Variants in QSOX1 observed in about 807,000 individuals in gnomAD.
QSOX1 encodes quiescin sulfhydryl oxidase 1.
QSOX1 carries 40 observed loss-of-function variants against 76.1 expected under a neutral mutation model. The ratio of observed to expected loss-of-function variants is 0.53; its 90% confidence interval spans 0.41 to 0.68. The LOEUF (loss-of-function observed/expected upper bound fraction) is 0.68. Among genes scored for constraint, QSOX1 ranks in the 30% least tolerant of loss-of-function variants. The pLI is 0.00. For synonymous variants in QSOX1, 392 were observed against 413.1 expected (o/e 0.95, Z 0.62); for missense variants, 931 against 974.3 (o/e 0.96, Z 0.59).
chr1:180,188,113 C>T (rs1356119477), intron 8 of QSOX1, among the ~76,000 whole-genome samples: 1 of 152,170 alleles, frequency 6.6e-6, no homozygotes. Context: ...CAGGGTCTTC[C>T]AGCTAGTGAG....
chr1:180,182,620 C>G (rs1663069993), intron 6 of QSOX1, among the ~76,000 whole-genome samples: 1 of 152,200 alleles, frequency 6.6e-6, no homozygotes, highest in Non-Finnish European at 1.5e-5. Flanking sequence ...CCACCCTCTT[C>G]TGTTCGCAGG....
At chr1:180,166,765 A>G (rs373887690) in intron 2 of QSOX1, among the ~76,000 whole-genome samples, 174 bp downstream of exon 2, 38 of 152,148 alleles carry the variant, frequency 2.5e-4, no homozygotes, top group African/African-American at 8.0e-4. Context: ...GTCCTCTTCA[A>G]TTGCTCTCCC....
intron 7 of QSOX1, 52 bp from the exon 8 acceptor site, chr1:180,186,001 C>A: frequency 6.2e-7 from 1 of 1,602,146 alleles, no homozygotes; most frequent in Admixed American, 1.7e-5. Flanking sequence ...CTTGCAGCCC[C>A]TGCACCATGG....
intron 2 of QSOX1, among the ~76,000 whole-genome samples, chr1:180,173,588 A>G (rs898076543): frequency 6.6e-6 from 1 of 152,204 alleles, no homozygotes; most frequent in African/African-American, 2.4e-5. Context: ...CACAGGGAGC[A>G]GAAGGTTGCA....
At chr1:180,181,368 T>C (rs1316382176) in intron 5 of QSOX1, among the ~76,000 whole-genome samples, 1 of 152,208 alleles carries the variant, frequency 6.6e-6, no homozygotes, top group Non-Finnish European at 1.5e-5. Flanking sequence ...CCATTTCTAA[T>C]GTGGGGACAT....
intron 1 of QSOX1, 140 bp from the exon 2 acceptor site, chr1:180,166,351 G>T: frequency 3.1e-6 from 2 of 651,652 alleles, no homozygotes; most frequent in Non-Finnish European, 5.4e-6. Context: ...CTTTTCCAAG[G>T]AAGGTGTGAC....
chr1:180,178,418 G>A (rs1477451251), intron 4 of QSOX1, among the ~76,000 whole-genome samples: 1 of 152,146 alleles, frequency 6.6e-6, no homozygotes, highest in Non-Finnish European at 1.5e-5. Flanking sequence ...AGTAGAGACG[G>A]GCTTTCACCA....
intron 9 of QSOX1, 28 bp downstream of exon 9, chr1:180,189,702 C>G (rs753359417): frequency 1.9e-6 from 3 of 1,605,750 alleles, no homozygotes; most frequent in Non-Finnish European, 8.5e-7. Flanking sequence ...ATAAAGATCT[C>G]TCCATCCTCC....
At chr1:180,160,517 C>T (rs2149229224) in intron 1 of QSOX1, among the ~76,000 whole-genome samples, 1 of 152,072 alleles carries the variant, frequency 6.6e-6, no homozygotes, top group South Asian at 2.1e-4. Flanking sequence ...ACTAAAGGAT[C>T]CCTTTGGTCA....
At chr1:180,162,608 G>T (rs1195416565) in intron 1 of QSOX1, among the ~76,000 whole-genome samples, 1 of 152,040 alleles carries the variant, frequency 6.6e-6, no homozygotes, top group Non-Finnish European at 1.5e-5. Context: ...GTGTGGTGGT[G>T]TGCACCTGTG....
In QSOX1 at chr1:180,198,658, G is replaced by A. The variant is rs1288516738; in HGVS notation, c.*1621G>A. 9 of 340,806 alleles carry A rather than the reference G, an allele frequency of 2.6e-5. No homozygotes were observed. The highest frequency in any genetic ancestry group is 9.0e-5 in the South Asian group (4 of 44,598). 21.1% of individuals were successfully genotyped at this position (340,806 alleles called of 1,614,324 possible). A position where few individuals can be genotyped will look rare whatever the true frequency, so the allele number is the denominator to read the frequency against. ...TTCCCTCGACCTCTTTAGCTGCAGC[G>A]CCTTGCTGGGCTCCTGGGTTGGACT... On this transcript the variant is annotated 3_prime_UTR_variant, in exon 12 of 12. Coordinates refer to ENST00000367602, the MANE Select transcript of QSOX1 (RefSeq NM_002826.5).
At chr1:180,186,926 G>C (rs1370871993) in intron 8 of QSOX1, among the ~76,000 whole-genome samples, 1 of 152,252 alleles carries the variant, frequency 6.6e-6, no homozygotes, top group Non-Finnish European at 1.5e-5. Flanking sequence ...TTTGGTTCCA[G>C]ATCCTGGCCA....
At chr1:180,178,732 C>A in intron 4 of QSOX1, 62 bp from the exon 5 acceptor site, 1 of 1,474,164 alleles carries the variant, frequency 6.8e-7, no homozygotes, top group Non-Finnish European at 9.5e-7. Flanking sequence ...TCTGGCGTTG[C>A]CAGCGGTTTT....
chr1:180,190,343 G>T (rs540968048), intron 9 of QSOX1, 90 bp from the exon 10 acceptor site: 2 of 1,437,862 alleles, frequency 1.4e-6, no homozygotes, highest in Non-Finnish European at 1.9e-6. Context: ...GACCTCATTT[G>T]TCTTAGGGCT....
At chr1:180,185,802 C>A (rs1663155665) in intron 7 of QSOX1, among the ~76,000 whole-genome samples, 1 of 152,196 alleles carries the variant, frequency 6.6e-6, no homozygotes, top group South Asian at 2.1e-4. Flanking sequence ...TTTATTTGAT[C>A]CTCTCAGCAA....
intron 5 of QSOX1, among the ~76,000 whole-genome samples, chr1:180,181,824 A>G (rs1663044187): frequency 6.6e-6 from 1 of 152,210 alleles, no homozygotes; most frequent in Non-Finnish European, 1.5e-5. Context: ...AGTGCAAAAA[A>G]CAAACGAGAA....
intron 8 of QSOX1, among the ~76,000 whole-genome samples, chr1:180,187,045 G>A (rs1012572142): frequency 6.6e-6 from 1 of 152,222 alleles, no homozygotes; most frequent in Admixed American, 6.5e-5. Flanking sequence ...TGGCCCTGGG[G>A]CCCGGATCTG....
chr1:180,176,143 G>A lies in QSOX1; in HGVS notation c.515+110G>A, dbSNP rs150330813. The A allele has an allele frequency of 1.7e-4, 142 of 849,310 alleles. No individual in the cohort carries two copies. The East Asian group carries it at 3.8e-3, about 23-fold the overall frequency. The allele number at this position is 849,310 out of a possible 1,614,324, so 52.6% of individuals were successfully genotyped here. On this transcript the variant is annotated intron_variant, in intron 4 of 11. Coordinates refer to ENST00000367602, the MANE Select transcript of QSOX1 (RefSeq NM_002826.5). ...GGGACCCCAGTTTATTTTCCTTGCT[G>A]CCTTTGCCTGTGGGGCTCACACACC...
chr1:180,159,393 A>G (rs975588660), intron 1 of QSOX1, among the ~76,000 whole-genome samples: 1 of 152,238 alleles, frequency 6.6e-6, no homozygotes, highest in African/African-American at 2.4e-5. Flanking sequence ...TGCTTTAACA[A>G]TGGAGCACTC....
Sources: allele counts gnomAD v4.1 joint callset (sites outside exome capture counted in the v4.1 genomes callset), GRCh38; gene constraint gnomAD v4.1.1; transcripts MANE v1.5; gene names NCBI Gene and HGNC (gene_info 2026-07-23, HGNC 2026-07-21).